Variants in GDAP1L1 observed in about 807,000 individuals in gnomAD.
GDAP1L1 encodes the protein ganglioside induced differentiation associated protein 1 like 1.
Under a neutral mutation model 37.1 loss-of-function variants are expected in GDAP1L1, and 21 were observed. The observed-to-expected ratio is 0.57, with a 90% confidence interval of 0.40 to 0.81. The LOEUF (loss-of-function observed/expected upper bound fraction) is 0.81, where lower values mean the gene tolerates loss of function less well. GDAP1L1 is among the 40% of genes least tolerant of loss of function. GDAP1L1 has a pLI of 0.00. For missense variants in GDAP1L1, 362 were observed against 491.6 expected, an observed-to-expected ratio of 0.74 and a Z score of 2.49; for synonymous variants, 193 against 209.1, an observed-to-expected ratio of 0.92 and a Z score of 0.67.
chr20:44,262,627 C>T (rs1481984535), intron 3 of GDAP1L1, among the ~76,000 whole-genome samples: 6 of 152,048 alleles, frequency 3.9e-5, no homozygotes, highest in Non-Finnish European at 8.8e-5. Flanking sequence ...GTTCACTCTT[C>T]CCTACAGTTT....
At chr20:44,258,789 C>G (rs1373187689) in intron 3 of GDAP1L1, among the ~76,000 whole-genome samples, 182 bp downstream of exon 3, 1 of 152,110 alleles carries the variant, frequency 6.6e-6, no homozygotes, top group African/African-American at 2.4e-5. Flanking sequence ...GTTTCTCACT[C>G]TGCTGGTCTC....
intron 5 of GDAP1L1, among the ~76,000 whole-genome samples, chr20:44,272,296 T>C (rs886697370): frequency 2.6e-5 from 4 of 152,188 alleles, no homozygotes; most frequent in Non-Finnish European, 5.9e-5. Flanking sequence ...ATCAGCAGTA[T>C]GGAGCGGTTT....
upstream of GDAP1L1, chr20:44,247,291 C>G: frequency 6.2e-7 from 1 of 1,601,696 alleles, no homozygotes. Flanking sequence ...AGAGAGCCGC[C>G]GCGCCGGAGC....
chr20:44,251,923 T>C (rs1405785978), intron 1 of GDAP1L1, among the ~76,000 whole-genome samples: 2 of 152,230 alleles, frequency 1.3e-5, no homozygotes, highest in Non-Finnish European at 2.9e-5. Context: ...TATAACACGG[T>C]CTGGTGGCCG....
chr20:44,257,782 C>T (rs1432380815), intron 2 of GDAP1L1, among the ~76,000 whole-genome samples: 3 of 152,078 alleles, frequency 2.0e-5, no homozygotes, highest in African/African-American at 7.2e-5. Flanking sequence ...ACATAGATTC[C>T]CTAGGACCCC....
In GDAP1L1 at chr20:44,257,360, C is replaced by A; in HGVS notation, c.373+15C>A. ...CTTCACAGGAGGTACGGCTGCCTCC[C>A]CACCCAGGGGCCCACTCCATACCAC... is the stretch of plus-strand genomic sequence containing the variant. On this transcript the variant is annotated intron_variant, in intron 2 of 5. Transcript: ENST00000342560. 1.2e-6 allele frequency: 2 copies of A among 1,607,240 alleles called. No individual in the cohort carries two copies. Among genetic ancestry groups the A allele is most frequent in the South Asian group, 2.2e-5 (2 of 90,196 alleles).
intron 5 of GDAP1L1, among the ~76,000 whole-genome samples, chr20:44,276,419 AG>A (rs2062577732): frequency 2.4e-4 from 32 of 134,220 alleles, no homozygotes; most frequent in African/African-American, 8.6e-4. Flanking sequence ...AGAAAAAGAA[AG>A]AAAGAAAGAA....
intron 5 of GDAP1L1, among the ~76,000 whole-genome samples, chr20:44,276,432 G>GAAAGAAAGAAAA (rs2062579166): frequency 7.1e-6 from 1 of 140,868 alleles, no homozygotes; most frequent in Non-Finnish European, 1.5e-5. Context: ...AAGAAAGAAA[G>GAAAGAAAGAAAA]AAAGAAAGAA....
chr20:44,258,189 G>A (rs751976871), intron 2 of GDAP1L1: 2 of 717,718 alleles, frequency 2.8e-6, no homozygotes, highest in South Asian at 3.0e-5. Context: ...CTGGGTCTAG[G>A]ACCCCGCCTG....
chr20:44,269,807 T>G (rs2062494077), intron 5 of GDAP1L1, among the ~76,000 whole-genome samples: 1 of 152,140 alleles, frequency 6.6e-6, no homozygotes, highest in Non-Finnish European at 1.5e-5. Flanking sequence ...GGCACGTGCC[T>G]GTAATCCCAG....
chr20:44,270,732 C>A (rs1374206088), intron 5 of GDAP1L1, among the ~76,000 whole-genome samples: 2 of 152,234 alleles, frequency 1.3e-5, no homozygotes, highest in African/African-American at 4.8e-5. Context: ...CCATGTGGGC[C>A]TCTCAATAGG....
At chr20:44,276,414 AAGAAAG>A (rs2062577314) in intron 5 of GDAP1L1, among the ~76,000 whole-genome samples, 1 of 121,658 alleles carries the variant, frequency 8.2e-6, no homozygotes, top group South Asian at 3.1e-4. Flanking sequence ...AAAAAAGAAA[AAGAAAG>A]AAAGAAAGAA....
At chr20:44,267,973 G>T (rs528181513) in intron 5 of GDAP1L1, among the ~76,000 whole-genome samples, 185 of 152,352 alleles carry the variant, frequency 1.2e-3, no homozygotes, top group Non-Finnish European at 1.8e-3. Flanking sequence ...GCATCCCTCT[G>T]GGGCTGGGGG....
chr20:44,265,511 A>G (rs1291150908), intron 5 of GDAP1L1: 1 of 978,280 alleles, frequency 1.0e-6, no homozygotes, highest in East Asian at 1.1e-4. Flanking sequence ...CAGGGTCTAA[A>G]CAGATGGGGT....
intron 1 of GDAP1L1, among the ~76,000 whole-genome samples, chr20:44,254,080 G>A (rs2073494563): frequency 6.6e-6 from 1 of 152,204 alleles, no homozygotes; most frequent in African/African-American, 2.4e-5. Context: ...AGAGAAGGGG[G>A]CTTTCTGCTC....
intron 1 of GDAP1L1, among the ~76,000 whole-genome samples, chr20:44,256,325 CACTT>C (rs955097470): frequency 3.3e-5 from 5 of 152,176 alleles, no homozygotes; most frequent in African/African-American, 9.7e-5. Flanking sequence ...CTTTTCCCCT[CACTT>C]AGTACCCCAA....
chr20:44,280,900 T>C lies in GDAP1L1; in HGVS notation c.*1600T>C, dbSNP rs2062632347. 1 of 152,226 alleles carries C rather than the reference T, an allele frequency of 6.6e-6. No individual in the cohort carries two copies. Among genetic ancestry groups the C allele is most frequent in the African/African-American group, 2.4e-5 (1 of 41,460 alleles). The allele number at this position is 152,226 out of a possible 1,614,324, so 9.4% of individuals were successfully genotyped here. A position where few individuals can be genotyped will look rare whatever the true frequency, so the allele number is the denominator to read the frequency against. ...TAAATCAGGAGTATAATGTGTAGAA[T>C]ATAAGGCATGGTTTTACTTATTTTG... On this transcript the variant is annotated 3_prime_UTR_variant, in exon 6 of 6. Transcript: ENST00000342560.
At chr20:44,257,104 T>C (rs746666572) in intron 1 of GDAP1L1, 49 bp from the exon 2 acceptor site, 1 of 1,502,126 alleles carries the variant, frequency 6.7e-7, no homozygotes, top group South Asian at 1.3e-5. Flanking sequence ...CTGGGCAGAG[T>C]GTCCCCTGTG....
At chr20:44,258,308 A>C (rs1288216960) in intron 2 of GDAP1L1, 126 bp from the exon 3 acceptor site, 4 of 926,160 alleles carry the variant, frequency 4.3e-6, no homozygotes, top group Non-Finnish European at 6.9e-6. Context: ...CCAGCAGCCA[A>C]GCCCGAGCAT....
Sources: allele counts gnomAD v4.1 joint callset (sites outside exome capture counted in the v4.1 genomes callset), GRCh38; gene constraint gnomAD v4.1.1; transcripts MANE v1.5; gene names NCBI Gene and HGNC (gene_info 2026-07-23, HGNC 2026-07-21).